The following ANKS1B variants were observed in gnomAD, a reference collection of about 807,000 sequenced individuals.
The protein encoded by ANKS1B is ankyrin repeat and sterile alpha motif domain-containing protein 1B.
Under a neutral mutation model 148.3 loss-of-function variants are expected in ANKS1B, and 36 were observed. That is an observed-to-expected ratio of 0.24 (90% confidence interval 0.19 to 0.32). The LOEUF (loss-of-function observed/expected upper bound fraction) is 0.32. Ranked by LOEUF, ANKS1B falls within the 10% of genes least tolerant of loss-of-function variation. ANKS1B has a pLI of 1.00. For synonymous variants in ANKS1B, 542 were observed against 560.8 expected (o/e 0.97, Z 0.47); for missense variants, 1,157 against 1,542.6 (o/e 0.75, Z 4.19).
intron 9 of ANKS1B, among the ~76,000 whole-genome samples, chr12:99,612,434 C>A (rs949059377): frequency 6.6e-6 from 1 of 152,052 alleles, no homozygotes; most frequent in Non-Finnish European, 1.5e-5. Flanking sequence ...CTACTATTAT[C>A]TCCACTTAAC....
At chr12:99,078,977 G>C (rs951953916) in intron 16 of ANKS1B, among the ~76,000 whole-genome samples, 6 of 152,202 alleles carry the variant, frequency 3.9e-5, no homozygotes, top group Non-Finnish European at 8.8e-5. Context: ...CATGTTGTGA[G>C]ATGCTCTATG....
At chr12:99,807,574 G>A (rs539431786) in intron 3 of ANKS1B, among the ~76,000 whole-genome samples, 1 of 152,120 alleles carries the variant, frequency 6.6e-6, no homozygotes, top group African/African-American at 2.4e-5. Context: ...GTTCTGGAAA[G>A]AAAGAGCAGC....
In ANKS1B at chr12:99,590,258, C is replaced by CCACCCACA. The variant is rs1555503127; in HGVS notation, c.1272+64808_1272+64809insTGTGGGTG. Among the ~76,000 whole-genome samples, 1,267 of 132,800 alleles carry CCACCCACA rather than the reference C, an allele frequency of 9.5e-3. 9 individuals are homozygous for CCACCCACA. Among genetic ancestry groups the CCACCCACA allele is most frequent in the African/African-American group, 0.027 (997 of 37,426 alleles). The allele number at this position is 132,800 out of a possible 152,430, so 87.1% of individuals were successfully genotyped here. A position where few individuals can be genotyped will look rare whatever the true frequency, so the allele number is the denominator to read the frequency against. ...AACATTCACTCACACCCACACCCAC[C>CCACCCACA]CACACACACACACACACACACACAC... On this transcript the variant is annotated intron_variant, in intron 9 of 26. Transcript: ENST00000683438.
intron 24 of ANKS1B, among the ~76,000 whole-genome samples, chr12:98,776,414 A>T (rs894635887): frequency 1.3e-5 from 2 of 152,240 alleles, no homozygotes; most frequent in African/African-American, 4.8e-5. Flanking sequence ...GAGCTTTAAA[A>T]GGCTCAAGAG....
At chr12:99,107,548 A>C (rs1008472633) in intron 15 of ANKS1B, among the ~76,000 whole-genome samples, 6 of 152,236 alleles carry the variant, frequency 3.9e-5, no homozygotes, top group Non-Finnish European at 8.8e-5. Flanking sequence ...AAAGTAGAGG[A>C]TAATGAGAAC....
At chr12:98,769,491 G>A (rs1330205294) in intron 25 of ANKS1B, among the ~76,000 whole-genome samples, 1 of 152,064 alleles carries the variant, frequency 6.6e-6, no homozygotes, top group Non-Finnish European at 1.5e-5. Flanking sequence ...AGCTAGTAAT[G>A]TTTACATTAA....
intron 12 of ANKS1B, among the ~76,000 whole-genome samples, chr12:99,367,774 ATGTGTGTGTGCTTG>A (rs1410139318): frequency 6.6e-6 from 1 of 151,556 alleles, no homozygotes; most frequent in Non-Finnish European, 1.5e-5. Flanking sequence ...AGAGCAGAGT[ATGTGTGTGTGCTTG>A]TGTGTGTGTG....
intron 22 of ANKS1B, among the ~76,000 whole-genome samples, chr12:98,793,791 CAG>C (rs2098916873): frequency 6.6e-6 from 1 of 152,168 alleles, no homozygotes; most frequent in South Asian, 2.1e-4. Context: ...CTTACAGTAA[CAG>C]ATGCTTCCTA....
At chr12:98,810,562 A>G (rs2099087061) in intron 19 of ANKS1B, among the ~76,000 whole-genome samples, 1 of 152,182 alleles carries the variant, frequency 6.6e-6, no homozygotes, top group African/African-American at 2.4e-5. Context: ...TTTAGAAGAA[A>G]TAAAGTCTCC....
At chr12:99,505,553 C>A (rs1474598627) in intron 9 of ANKS1B, among the ~76,000 whole-genome samples, 1 of 150,206 alleles carries the variant, frequency 6.7e-6, no homozygotes, top group Non-Finnish European at 1.5e-5. Context: ...ATTTCCTGTA[C>A]ATAAGGCATT....
chr12:99,447,504 T>C (rs7968525), intron 10 of ANKS1B, among the ~76,000 whole-genome samples: 8,613 of 152,084 alleles, frequency 0.057, 350 homozygotes, highest in East Asian at 0.2. Flanking sequence ...GGTAAAACTA[T>C]TAGAAGAAAA....
At position 99,403,496 on chromosome 12, in the gene ANKS1B, TTGTAAA is replaced by T; in HGVS notation, c.1576-3691_1576-3686del. Among the ~76,000 whole-genome samples, 2 of 144,650 alleles carry T rather than the reference TTGTAAA, an allele frequency of 1.4e-5. 1 individual carries two copies. The highest frequency in any genetic ancestry group is 5.3e-5 in the African/African-American group (2 of 37,872). 94.9% of individuals were successfully genotyped at this position (144,650 alleles called of 152,430 possible). ...TTTAATGGGGGTTGATTTTTTTTTC[TTGTAAA>T]TGTAAGTTAATTTCTTATAGATGCT... is the stretch of plus-strand genomic sequence containing the variant. On this transcript the variant is annotated intron_variant, in intron 11 of 26. Transcript: ENST00000683438.
intron 1 of ANKS1B, among the ~76,000 whole-genome samples, chr12:99,910,660 T>C (rs746229082): frequency 6.6e-6 from 1 of 152,108 alleles, no homozygotes; most frequent in Non-Finnish European, 1.5e-5. Context: ...GTTAATATAT[T>C]AAAAACCATC....
chr12:99,926,617 G>A (rs780397740), intron 1 of ANKS1B, among the ~76,000 whole-genome samples: 1 of 152,142 alleles, frequency 6.6e-6, no homozygotes, highest in Non-Finnish European at 1.5e-5. Context: ...CTTGCATCCT[G>A]CAGGTCTTGG....
At chr12:99,260,150 C>T (rs1225217543) in intron 12 of ANKS1B, among the ~76,000 whole-genome samples, 1 of 151,946 alleles carries the variant, frequency 6.6e-6, no homozygotes, top group Non-Finnish European at 1.5e-5. Context: ...AATAACTTCC[C>T]ATTTATATAC....
chr12:99,225,361 T>G (rs1271869666), intron 14 of ANKS1B, among the ~76,000 whole-genome samples: 1 of 152,120 alleles, frequency 6.6e-6, no homozygotes, highest in Non-Finnish European at 1.5e-5. Flanking sequence ...ATCAAGAAGC[T>G]CAGAGTCAAG....
chr12:99,155,663 C>A lies in ANKS1B; in HGVS notation c.2420-1268G>T, dbSNP rs532727223. On this transcript the variant is annotated intron_variant, in intron 14 of 26. Transcript: ENST00000683438. The stretch of plus-strand genomic sequence containing the variant: ...AATTTATTTAATAATTGGGAGAAAC[C>A]AGGGATTAAGAATAGAACCCACAGG... Among the ~76,000 whole-genome samples the A allele has an allele frequency of 3.2e-4, 49 of 151,990 alleles. 1 individual carries two copies. The highest frequency in any genetic ancestry group is 3.4e-3 in the Middle Eastern group (1 of 292).
At chr12:99,352,211 T>C (rs2152390342) in intron 12 of ANKS1B, 1 of 152,172 alleles carries the variant, frequency 6.6e-6, no homozygotes, top group African/African-American at 2.4e-5. Flanking sequence ...ATTAAAGTTC[T>C]TCTAAGATTA....
intron 12 of ANKS1B, among the ~76,000 whole-genome samples, chr12:99,327,368 C>A (rs1461249879): frequency 1.1e-5 from 1 of 92,300 alleles, no homozygotes; most frequent in African/African-American, 5.4e-5. Context: ...TATATAATTA[C>A]ATATTATATA....
Sources: gnomAD v4.1 joint callset for allele counts (sites outside exome capture counted in the v4.1 genomes callset) on GRCh38, gnomAD v4.1.1 for gene constraint, MANE v1.5 for transcripts, NCBI Gene and HGNC (gene_info 2026-07-23, HGNC 2026-07-21) for gene names.